Variants in BYSL observed in about 807,000 individuals in gnomAD.
The protein encoded by BYSL is bystin like, also known as bystin.
BYSL carries 21 observed loss-of-function variants against 45.4 expected under a neutral mutation model. The observed-to-expected ratio is 0.46, with a 90% CI of 0.33 to 0.67. BYSL has a LOEUF of 0.67. Ranked by LOEUF, BYSL falls within the 30% of genes least tolerant of loss-of-function variation. BYSL has a pLI of 0.02. For missense variants in BYSL, 522 were observed against 578.5 expected (o/e 0.90, Z 1.00); for synonymous variants, 215 against 231.3 (o/e 0.93, Z 0.64).
chr6:41,927,854 G>A (rs558693968), intron 2 of BYSL, among the ~76,000 whole-genome samples: 11 of 152,220 alleles, frequency 7.2e-5, no homozygotes, highest in South Asian at 2.1e-4. Context: ...TTTTTTTAGC[G>A]GTAAGCTCAA....
upstream of BYSL, chr6:41,921,328 A>G (rs2127383436): frequency 1.6e-6 from 1 of 618,212 alleles, no homozygotes; most frequent in South Asian, 2.1e-5. Context: ...CAAAGACTGC[A>G]CTATTGAGAG....
chr6:41,918,359 C>A (rs182116552), upstream of BYSL, among the ~76,000 whole-genome samples: 33 of 151,600 alleles, frequency 2.2e-4, no homozygotes, highest in Admixed American at 1.3e-3. Context: ...CAAAACTTAG[C>A]CAGGCATGGT....
the BYSL span, chr6:41,909,308 C>T: frequency 1.2e-4 from 194 of 1,614,082 alleles, 1 homozygote; most frequent in South Asian, 1.4e-3. Flanking sequence ...CCATTGTGAC[C>T]GTGCCCACCT....
chr6:41,915,539 G>A, the BYSL span, among the ~76,000 whole-genome samples: 1 of 152,012 alleles, frequency 6.6e-6, no homozygotes, highest in Non-Finnish European at 1.5e-5. Flanking sequence ...TATAATCCCA[G>A]CACTTCGGGA....
At position 41,932,390 on chromosome 6, in the gene BYSL, A is replaced by T. The variant is rs780316846; in HGVS notation, c.998A>T (p.Glu333Val). The change falls in exon 7 of 7, where the codon GAA becomes GTA. Residue 333 changes from glutamate to valine, a missense_variant. Coordinates refer to ENST00000230340, the MANE Select transcript of BYSL (RefSeq NM_004053.4). The surrounding 1 kb of genome is among the most constrained non-coding windows in gnomAD (Gnocchi z 4.7). ...GCCATGCTGAAAATTGCTGAGATGG[A>T]ATACAGCGGTGCCAACAGCATCTTC... Reference protein sequence around the residue: ...SAAMLKIAEMEYSGANSIFLR... With the variant: ...SAAMLKIAEMVYSGANSIFLR... The T allele has an allele frequency of 6.2e-7, 1 of 1,612,888 alleles. No homozygotes were observed. Among genetic ancestry groups the T allele is most frequent in the Non-Finnish European group, 8.5e-7 (1 of 1,179,950 alleles).
At chr6:41,910,313 A>G in the BYSL span, among the ~76,000 whole-genome samples, 15 of 152,228 alleles carry the variant, frequency 9.9e-5, no homozygotes, top group Non-Finnish European at 2.2e-4. Context: ...ATGGAAAGCT[A>G]TACACATTTA....
At chr6:41,921,417 G>T, upstream of BYSL, 1 of 1,176,600 alleles carries the variant, frequency 8.5e-7, no homozygotes, top group Non-Finnish European at 1.2e-6. Context: ...GAGGGGCGGC[G>T]CTGATGGCGC....
At chr6:41,921,208 G>T, upstream of BYSL, 1 of 726,050 alleles carries the variant, frequency 1.4e-6, no homozygotes, top group South Asian at 2.0e-5. Context: ...CCTCGGTGAC[G>T]CCTCCACTGA....
chr6:41,929,883 T>C (rs989951616), intron 2 of BYSL, among the ~76,000 whole-genome samples: 2 of 152,230 alleles, frequency 1.3e-5, no homozygotes, highest in African/African-American at 2.4e-5. Context: ...GAGTTGAGGT[T>C]CATAATAACC....
Position 41,927,363 on chromosome 6 carries a change from C to T in BYSL, c.269-11C>T. On this transcript the variant is annotated splice_polypyrimidine_tract_variant and intron_variant, in intron 1 of 6. Transcript: ENST00000230340. ...TTGCTGTGCTCATCCATTTAGTCTC[C>T]CCTCTTCTAGGTCCAAGAATGCCTC... is the stretch of plus-strand genomic sequence containing the variant. 1 of 1,613,694 alleles carries T rather than the reference C, an allele frequency of 6.2e-7. No homozygotes were observed. The highest frequency in any genetic ancestry group is 8.5e-7 in the Non-Finnish European group (1 of 1,179,742).
At chr6:41,917,556 C>G (rs1017360138), upstream of BYSL, 8 of 331,096 alleles carry the variant, frequency 2.4e-5, no homozygotes, top group Admixed American at 3.9e-5. Flanking sequence ...AATAGAGGAC[C>G]ACAGTCCCTG....
At chr6:41,927,566 C>T (rs1406999544) in intron 2 of BYSL, 30 bp downstream of exon 2, 19 of 1,606,504 alleles carry the variant, frequency 1.2e-5, no homozygotes, top group Non-Finnish European at 1.4e-5. Flanking sequence ...ATAATGAGTC[C>T]TTGTAGAAAG....
rs1391389366 is a variant in BYSL at position 41,932,532 on chromosome 6, G to T, written c.1140G>T (p.Gln380His). The T allele has an allele frequency of 8.1e-6, 13 of 1,614,226 alleles. No homozygotes were observed. The highest frequency in any genetic ancestry group is 1.1e-5 in the Non-Finnish European group (13 of 1,180,052). Reference protein sequence around the residue: ...EKRELPVLWHQCLLTLVQRYK... With the variant: ...EKRELPVLWHHCLLTLVQRYK... The stretch of plus-strand genomic sequence containing the variant: ...GTGAACTGCCTGTGCTGTGGCACCA[G>T]TGCCTCCTGACTTTGGTCCAGCGCT... Residue 380 changes from glutamine to histidine, a missense_variant, in exon 7 of 7, where the codon CAG becomes CAT. Coordinates refer to ENST00000230340, the MANE Select transcript of BYSL (RefSeq NM_004053.4). The surrounding 1 kb of genome is among the most constrained non-coding windows in gnomAD (Gnocchi z 4.7).
chr6:41,932,751 C>T lies in BYSL; in HGVS notation c.*45C>T, dbSNP rs1401205430. The T allele has an allele frequency of 1.3e-6, 2 of 1,552,022 alleles. No homozygotes were observed. Among genetic ancestry groups the T allele is most frequent in the East Asian group, 2.3e-5 (1 of 44,258 alleles). Reference sequence around the variant, plus strand: ...TGGCCAAAGGGGTTTGGAAGGACACCAAGACCCCCGTTGGTGACTGAAGAT... The same window carrying T: ...TGGCCAAAGGGGTTTGGAAGGACACTAAGACCCCCGTTGGTGACTGAAGAT... On this transcript the variant is annotated 3_prime_UTR_variant, in exon 7 of 7. Coordinates refer to ENST00000230340, the MANE Select transcript of BYSL (RefSeq NM_004053.4). This position sits in a 1 kb window ranked among gnomAD's most constrained non-coding sequence, Gnocchi z 4.7.
In BYSL at chr6:41,921,786, C is replaced by G. The variant is rs752665816; in HGVS notation, c.224C>G (p.Thr75Ser). ...GAGGAACTCGAGGCCGAGCATGGGA[C>G]TGGGGACAAGCCCGCGGCGCCGCGG... The part of the protein sequence containing the change: ...QQEELEAEHG[T>S]GDKPAAPRER... The change falls in exon 1 of 7, where the codon ACT becomes AGT. Residue 75 changes from threonine (T) to serine (S), a missense_variant. By Grantham distance (58) the Thr-to-Ser change is moderately conservative. Coordinates refer to ENST00000230340, the MANE Select transcript of BYSL (RefSeq NM_004053.4). 1.2e-6 allele frequency: 2 copies of G among 1,612,980 alleles called. No individual in the cohort carries two copies. The highest frequency in any genetic ancestry group is 1.7e-6 in the Non-Finnish European group (2 of 1,179,780).
At chr6:41,921,978 C>T (rs1775488992) in intron 1 of BYSL, 148 bp downstream of exon 1, 3 of 1,227,654 alleles carry the variant, frequency 2.4e-6, no homozygotes, top group Non-Finnish European at 2.2e-6. Flanking sequence ...TGTCTAGAGC[C>T]CTCCGCGTCC....
At chr6:41,922,052 G>A (rs186468167) in intron 1 of BYSL, among the ~76,000 whole-genome samples, 1 of 152,114 alleles carries the variant, frequency 6.6e-6, no homozygotes, top group East Asian at 1.9e-4. Flanking sequence ...AATCGATCGC[G>A]CCACTAAGTG....
intron 1 of BYSL, among the ~76,000 whole-genome samples, chr6:41,926,154 C>T (rs1775560879): frequency 6.6e-6 from 1 of 152,226 alleles, no homozygotes; most frequent in Non-Finnish European, 1.5e-5. Flanking sequence ...GAACACACTC[C>T]TTCTGCTCCC....
In BYSL at chr6:41,931,438, C is replaced by G. The variant is rs754483559; in HGVS notation, c.747C>G (p.Phe249Leu). ...TGAAGGAACGCATGGCCCAGCGCTT[C>G]TACAACCTTGTCCTGCTCCCTCGAG... ...SNLKERMAQR[F>L]YNLVLLPRVR... is the part of the protein sequence containing the mutation. The change falls in exon 5 of 7, where the codon TTC becomes TTG. Residue 249 changes from phenylalanine (F) to leucine (L), a missense_variant. Physicochemically the swap from Phe to Leu is conservative, Grantham distance 22. Transcript: ENST00000230340. The G allele has an allele frequency of 1.2e-6, 2 of 1,613,400 alleles. No individual in the cohort carries two copies. Among genetic ancestry groups the G allele is most frequent in the Non-Finnish European group, 1.7e-6 (2 of 1,179,564 alleles).
Sources: gnomAD v4.1 joint callset for allele counts (sites outside exome capture counted in the v4.1 genomes callset) on GRCh38, gnomAD v4.1.1 for gene constraint, Gnocchi (gnomAD v3.1) non-coding constraint, MANE v1.5 for transcripts, NCBI Gene and HGNC (gene_info 2026-07-23, HGNC 2026-07-21) for gene names.